PBX1: variants seen among roughly 807,000 people sequenced by gnomAD.
PBX1 encodes pre-B-cell leukemia transcription factor 1.
PBX1 carries 6 observed loss-of-function variants against 53.4 expected under a neutral mutation model. The observed-to-expected ratio is 0.11, with a 90% CI of 0.06 to 0.22. The LOEUF is 0.22. Ranked by LOEUF, PBX1 falls within the 10% of genes least tolerant of loss-of-function variation. The pLI, the probability that PBX1 is intolerant of heterozygous loss-of-function variation, is 1.00. For synonymous variants in PBX1, 204 were observed against 212.3 expected, an observed-to-expected ratio of 0.96 and a Z score of 0.34; for missense variants, 251 against 551.4, an observed-to-expected ratio of 0.46 and a Z score of 5.46.
chr1:164,778,657 C>G (rs569644292), intron 2 of PBX1, among the ~76,000 whole-genome samples: 1 of 149,508 alleles, frequency 6.7e-6, no homozygotes, highest in East Asian at 1.9e-4. Context: ...AAAAGAAGAA[C>G]AGGTTAAGAG....
chr1:164,636,720 C>T (rs1658805699), intron 2 of PBX1, among the ~76,000 whole-genome samples: 1 of 152,168 alleles, frequency 6.6e-6, no homozygotes, highest in Non-Finnish European at 1.5e-5. Flanking sequence ...TTCTTCTCAA[C>T]TTGGCTGTAA....
intron 2 of PBX1, among the ~76,000 whole-genome samples, chr1:164,758,922 G>C (rs1433968902): frequency 6.6e-6 from 1 of 152,128 alleles, no homozygotes; most frequent in Non-Finnish European, 1.5e-5. Context: ...AGTGATAAAG[G>C]TAAGGGAAAA....
chr1:164,794,043 C>G (rs1285756960), intron 3 of PBX1, among the ~76,000 whole-genome samples: 1 of 151,694 alleles, frequency 6.6e-6, no homozygotes, highest in Non-Finnish European at 1.5e-5. Context: ...CCCAGCTAAT[C>G]TTTGTAGTTT....
intron 2 of PBX1, among the ~76,000 whole-genome samples, chr1:164,694,045 G>A (rs1171260700): frequency 2.0e-5 from 3 of 151,622 alleles, no homozygotes; most frequent in Non-Finnish European, 4.4e-5. Context: ...AGAGAGACTA[G>A]TGATTCTAAG....
intron 2 of PBX1, among the ~76,000 whole-genome samples, chr1:164,576,422 G>A (rs1654242251): frequency 6.6e-6 from 1 of 152,210 alleles, no homozygotes; most frequent in Non-Finnish European, 1.5e-5. Flanking sequence ...GTCGCACCCG[G>A]TCTTCTCTGC....
At chr1:164,810,535 T>C (rs1299682475) in intron 5 of PBX1, among the ~76,000 whole-genome samples, 1 of 152,172 alleles carries the variant, frequency 6.6e-6, no homozygotes, top group African/African-American at 2.4e-5. Context: ...CCTCTGAAAT[T>C]ATCTTCATCT....
intron 2 of PBX1, among the ~76,000 whole-genome samples, chr1:164,672,996 G>C (rs907500711): frequency 6.6e-6 from 1 of 151,880 alleles, no homozygotes; most frequent in East Asian, 1.9e-4. Flanking sequence ...AATTGTACTT[G>C]ACTGAAAAGG....
intron 2 of PBX1, among the ~76,000 whole-genome samples, chr1:164,754,400 A>G (rs1302392104): frequency 6.6e-6 from 1 of 152,128 alleles, no homozygotes; most frequent in South Asian, 2.1e-4. Context: ...ATACATCACA[A>G]CTCGCTTGTC....
chr1:164,839,522 T>C (rs577477373), intron 8 of PBX1, among the ~76,000 whole-genome samples: 15 of 152,232 alleles, frequency 9.9e-5, no homozygotes, highest in Non-Finnish European at 2.2e-4. Context: ...GATGTGTGCC[T>C]TGAAGAAACC....
chr1:164,734,154 C>T (rs973046396), intron 2 of PBX1, among the ~76,000 whole-genome samples: 4 of 152,136 alleles, frequency 2.6e-5, no homozygotes, highest in Non-Finnish European at 4.4e-5. Flanking sequence ...ACATACATTT[C>T]AAATACGTTG....
chr1:164,845,730 G>A (rs1362431668), intron 8 of PBX1, among the ~76,000 whole-genome samples: 3 of 152,068 alleles, frequency 2.0e-5, no homozygotes, highest in African/African-American at 4.8e-5. Context: ...CTAGAGTCTT[G>A]TAAAATGATC....
At chr1:164,835,505 A>T (rs1305443735) in intron 8 of PBX1, among the ~76,000 whole-genome samples, 1 of 152,130 alleles carries the variant, frequency 6.6e-6, no homozygotes, top group African/African-American at 2.4e-5. Context: ...TTTGTCAATT[A>T]TCAAATCATT....
chr1:164,731,647 G>A lies in PBX1; in HGVS notation c.266-60847G>A, dbSNP rs1277983485. ...TGTCAGATGAATTCAGCATCTCCCCGATTGTCGCCTCTCTTTGCCTCCCAT... is the reference window on the plus strand; with the variant it reads ...TGTCAGATGAATTCAGCATCTCCCCAATTGTCGCCTCTCTTTGCCTCCCAT... On this transcript the variant is annotated intron_variant, in intron 2 of 8. Transcript: ENST00000420696. 6.6e-5 allele frequency among the ~76,000 whole-genome samples: 10 copies of A among 152,182 alleles called. No individual in the cohort carries two copies. The East Asian group carries it at 9.6e-4, about 15-fold the overall frequency.
At chr1:164,769,490 C>T (rs10494421) in intron 2 of PBX1, 14,266 of 152,208 alleles carry the variant, frequency 0.094, 855 homozygotes, top group South Asian at 0.19. Context: ...GATGAAGTCT[C>T]ACTTTGACAT....
intron 2 of PBX1, among the ~76,000 whole-genome samples, chr1:164,876,602 C>T (rs1303699878): frequency 6.6e-6 from 1 of 151,722 alleles, no homozygotes; most frequent in Non-Finnish European, 1.5e-5. Context: ...ACACTGTGCT[C>T]GGTGCTCTGT....
intron 2 of PBX1, among the ~76,000 whole-genome samples, chr1:164,752,998 G>T (rs1666316370): frequency 1.3e-5 from 2 of 152,188 alleles, no homozygotes; most frequent in African/African-American, 4.8e-5. Flanking sequence ...ACCTGGAAGG[G>T]TTGTGGAGAT....
chr1:164,684,984 T>G (rs1266258465), intron 2 of PBX1: 1 of 152,232 alleles, frequency 6.6e-6, no homozygotes, highest in African/African-American at 2.4e-5. Flanking sequence ...ATATGTTACC[T>G]CACGTAATCC....
intron 2 of PBX1, among the ~76,000 whole-genome samples, chr1:164,667,523 A>C (rs2101963912): frequency 6.6e-6 from 1 of 152,248 alleles, no homozygotes; most frequent in Non-Finnish European, 1.5e-5. Flanking sequence ...CATTTGGGTC[A>C]AGACCAGAAG....
At chr1:164,870,361 C>CTTTCTTTCTT (rs1672353154) in intron 2 of PBX1, among the ~76,000 whole-genome samples, 1 of 84,980 alleles carries the variant, frequency 1.2e-5, no homozygotes, top group Non-Finnish European at 2.4e-5. Flanking sequence ...TTCTTTCTTT[C>CTTTCTTTCTT]GAGATGAAGT....
Sources: allele counts gnomAD v4.1 joint callset (sites outside exome capture counted in the v4.1 genomes callset), GRCh38; gene constraint gnomAD v4.1.1; transcripts MANE v1.5; gene names NCBI Gene and HGNC (gene_info 2026-07-23, HGNC 2026-07-21).